Variants in SVIL observed in about 807,000 individuals in gnomAD.
SVIL encodes the protein archvillin.
A neutral mutation model predicts 240.4 loss-of-function variants in SVIL; 101 were observed. The observed-to-expected ratio is 0.42, with a 90% CI of 0.36 to 0.50. The LOEUF is 0.50. SVIL is among the 20% of genes least tolerant of loss of function. The pLI, the probability that SVIL is intolerant of heterozygous loss-of-function variation, is 0.01. For synonymous variants in SVIL, 999 were observed against 1,100.0 expected (o/e 0.91, Z 1.82); for missense variants, 2,512 against 2,818.7 (o/e 0.89, Z 2.46).
intron 29 of SVIL, among the ~76,000 whole-genome samples, chr10:29,475,737 C>G (rs1037315370): frequency 2.6e-5 from 4 of 152,114 alleles, no homozygotes; most frequent in Admixed American, 2.0e-4. Context: ...GAGTGAGGGT[C>G]AACACGGGAG....
At chr10:29,648,680 G>T (rs1958743479) in intron 3 of SVIL, among the ~76,000 whole-genome samples, 1 of 152,126 alleles carries the variant, frequency 6.6e-6, no homozygotes, top group East Asian at 1.9e-4. Context: ...CGGCCCTGTG[G>T]CCAAGAAAGC....
chr10:29,560,761 A>AT (rs976844470), intron 3 of SVIL, among the ~76,000 whole-genome samples: 5 of 151,926 alleles, frequency 3.3e-5, no homozygotes, highest in South Asian at 4.3e-4. Context: ...AAATCTGCCT[A>AT]TTTTTTTCAT....
intron 20 of SVIL, 69 bp downstream of exon 20, chr10:29,494,845 G>C: frequency 6.7e-7 from 1 of 1,486,096 alleles, no homozygotes; most frequent in Non-Finnish European, 9.2e-7. Context: ...TTTTGGCTGA[G>C]GAAGAAAAGC....
intron 16 of SVIL, 28 bp from the exon 17 acceptor site, chr10:29,512,889 G>C: frequency 6.2e-7 from 1 of 1,606,216 alleles, no homozygotes; most frequent in Non-Finnish European, 8.5e-7. Context: ...CCGCCACAAA[G>C]AGTTCAGCAC....
chr10:29,696,871 G>A (rs892828193), intron 1 of SVIL, among the ~76,000 whole-genome samples: 4 of 149,954 alleles, frequency 2.7e-5, no homozygotes, highest in Non-Finnish European at 4.5e-5. Flanking sequence ...GGTGAGGGGC[G>A]CCTCTGCCCG....
intron 11 of SVIL, 96 bp downstream of exon 11, chr10:29,530,511 C>T (rs1479131195): frequency 1.2e-5 from 17 of 1,412,026 alleles, no homozygotes; most frequent in Non-Finnish European, 1.6e-5. Flanking sequence ...GTCTCAAACT[C>T]CTGGCCTCAA....
intron 1 of SVIL, among the ~76,000 whole-genome samples, chr10:29,691,415 G>A (rs765831097): frequency 1.3e-5 from 2 of 152,104 alleles, no homozygotes; most frequent in Non-Finnish European, 2.9e-5. Context: ...GTTTCACCGT[G>A]TTAGGCAGGA....
At chr10:29,498,414 G>A (rs547715408) in intron 18 of SVIL, among the ~76,000 whole-genome samples, 76 of 152,042 alleles carry the variant, frequency 5.0e-4, no homozygotes, top group Admixed American at 9.2e-4. Context: ...GTGAAACTCC[G>A]TCTAAATAAA....
Position 29,643,916 on chromosome 10 carries a change from G to C in SVIL, c.-201+14053C>G. On this transcript the variant is annotated intron_variant, in intron 3 of 35. Transcript: ENST00000375400. ...CAAAATGAGATGTGAACTTGCCAGG[G>C]GTGAGCCTGGACCGTGGTTTATGAG... The C allele has an allele frequency of 6.0e-6, 3 of 501,562 alleles. No homozygotes were observed. The Admixed American group carries it at 6.1e-5, about 10-fold the overall frequency. The allele number at this position is 501,562 out of a possible 1,614,324, so 31.1% of individuals were successfully genotyped here.
At chr10:29,733,837 T>G (rs1460336679) in intron 1 of SVIL, among the ~76,000 whole-genome samples, 1 of 152,240 alleles carries the variant, frequency 6.6e-6, no homozygotes, top group Non-Finnish European at 1.5e-5. Flanking sequence ...TTAAGTACAT[T>G]CAGGACAATG....
At chr10:29,658,922 A>G (rs192336487) in intron 2 of SVIL, among the ~76,000 whole-genome samples, 3 of 152,314 alleles carry the variant, frequency 2.0e-5, no homozygotes, top group Admixed American at 6.5e-5. Context: ...GAGAGTTAGG[A>G]GACTGGAATA....
rs1947186488 is a variant in SVIL at position 29,484,348 on chromosome 10, C to T, written c.4955+308G>A. Among the ~76,000 whole-genome samples the T allele has an allele frequency of 6.6e-6, 1 of 152,200 alleles. No individual in the cohort carries two copies. The highest frequency in any genetic ancestry group is 6.5e-5 in the Admixed American group (1 of 15,286). The stretch of plus-strand genomic sequence containing the variant: ...CAGATCCGCATGTAATTTGTTTAAA[C>T]AATTGCTGTTCATCTGCCACAGCAG... On this transcript the variant is annotated intron_variant, in intron 27 of 37. Transcript: ENST00000355867. This position sits in a 1 kb window ranked among gnomAD's most constrained non-coding sequence, Gnocchi z 4.7.
chr10:29,562,651 T>A (rs144649945), intron 3 of SVIL, among the ~76,000 whole-genome samples: 2 of 151,386 alleles, frequency 1.3e-5, no homozygotes, highest in Non-Finnish European at 2.9e-5. Flanking sequence ...GTCCCAGCTA[T>A]TCGGGAGGCT....
chr10:29,695,174 C>T (rs1219400447), intron 1 of SVIL, among the ~76,000 whole-genome samples: 2 of 152,172 alleles, frequency 1.3e-5, no homozygotes. Flanking sequence ...CCGGAAGCAG[C>T]AGCCACTCCA....
chr10:29,673,764 G>A (rs1959987749), intron 2 of SVIL, among the ~76,000 whole-genome samples: 1 of 152,088 alleles, frequency 6.6e-6, no homozygotes, highest in South Asian at 2.1e-4. Context: ...TTACAATTTC[G>A]AGATGAGATT....
intron 20 of SVIL, among the ~76,000 whole-genome samples, chr10:29,494,681 A>G (rs975835232): frequency 1.3e-5 from 2 of 152,224 alleles, no homozygotes; most frequent in Non-Finnish European, 2.9e-5. Context: ...TTTCAGAGTT[A>G]TAAGCAAAAT....
At chr10:29,619,204 A>G (rs897072180) in intron 1 of SVIL, among the ~76,000 whole-genome samples, 1 of 152,192 alleles carries the variant, frequency 6.6e-6, no homozygotes, top group Non-Finnish European at 1.5e-5. Context: ...ACATTTTATG[A>G]GATACTTTGT....
At chr10:29,488,172 C>A (rs1947602364) in intron 23 of SVIL, among the ~76,000 whole-genome samples, 1 of 152,054 alleles carries the variant, frequency 6.6e-6, no homozygotes, top group African/African-American at 2.4e-5. Context: ...GCTGTGTCTT[C>A]CTCCCCAGTT....
chr10:29,606,954 C>A (rs1957050736), intron 1 of SVIL, among the ~76,000 whole-genome samples: 1 of 152,142 alleles, frequency 6.6e-6, no homozygotes, highest in South Asian at 2.1e-4. Flanking sequence ...GAGGTTTCAC[C>A]ACGCTGGCCA....
Sources: gnomAD v4.1 joint callset for allele counts (sites outside exome capture counted in the v4.1 genomes callset) on GRCh38, gnomAD v4.1.1 for gene constraint, Gnocchi (gnomAD v3.1) non-coding constraint, MANE v1.5 for transcripts, NCBI Gene and HGNC (gene_info 2026-07-23, HGNC 2026-07-21) for gene names.